VPS13B: variants seen among roughly 807,000 people sequenced by gnomAD.
VPS13B encodes the protein intermembrane lipid transfer protein VPS13B.
Under a neutral mutation model 426.4 loss-of-function variants are expected in VPS13B, and 285 were observed. The observed-to-expected ratio is 0.67, with a 90% CI of 0.61 to 0.74. The LOEUF is 0.74. Among genes scored for constraint, VPS13B ranks in the 30% least tolerant of loss-of-function variants. The pLI, the probability that VPS13B is intolerant of heterozygous loss-of-function variation, is 0.00. For missense variants in VPS13B, 4,537 were observed against 4,782.6 expected (o/e 0.95, Z 1.51); for synonymous variants, 1,676 against 1,676.4 (o/e 1.00, Z 0.01).
At chr8:99,112,185 C>A (rs1354241024) in intron 6 of VPS13B, among the ~76,000 whole-genome samples, 1 of 152,076 alleles carries the variant, frequency 6.6e-6, no homozygotes, top group Non-Finnish European at 1.5e-5. Flanking sequence ...ATCATTGTAT[C>A]TTGGAAAAAG....
At chr8:99,233,051 A>G (rs1816432139) in intron 17 of VPS13B, 7 of 1,251,944 alleles carry the variant, frequency 5.6e-6, no homozygotes, top group Non-Finnish European at 8.2e-6. Flanking sequence ...GGGAGGCCTC[A>G]CTTGCTGCGC....
rs975511145 is a variant in VPS13B, at chr8:99,434,267, A to G, written c.3210+2603A>G. On this transcript the variant is annotated intron_variant, in intron 22 of 61. Coordinates refer to ENST00000357162, the MANE Select transcript of VPS13B (RefSeq NM_152564.5). ...TACACTCCAGCCAGCCCTTAGTCCTACAGATGTGAGGAAATTGTCTCTGTG... is the reference window on the plus strand; with the variant it reads ...TACACTCCAGCCAGCCCTTAGTCCTGCAGATGTGAGGAAATTGTCTCTGTG... Among the ~76,000 whole-genome samples the G allele has an allele frequency of 5.3e-5, 8 of 152,308 alleles. No homozygotes were observed. In the East Asian group the frequency reaches 7.7e-4, roughly 15 times the overall value.
chr8:99,484,260 A>G (rs1820186190), intron 25 of VPS13B, among the ~76,000 whole-genome samples: 1 of 152,144 alleles, frequency 6.6e-6, no homozygotes, highest in Non-Finnish European at 1.5e-5. Context: ...TCAAATTAGA[A>G]AGTTGAGGAT....
At chr8:99,846,783 T>A (rs1478713246) in intron 54 of VPS13B, among the ~76,000 whole-genome samples, 1 of 152,242 alleles carries the variant, frequency 6.6e-6, no homozygotes, top group Non-Finnish European at 1.5e-5. Flanking sequence ...AGGTTTATTA[T>A]CTTAGAAAGT....
intron 39 of VPS13B, among the ~76,000 whole-genome samples, chr8:99,756,233 A>G (rs1180470838): frequency 1.3e-5 from 2 of 152,234 alleles, no homozygotes; most frequent in Non-Finnish European, 1.5e-5. Context: ...TAGAGGGGCT[A>G]AGCAACAAAT....
chr8:99,560,990 A>G (rs948130774), intron 31 of VPS13B, among the ~76,000 whole-genome samples: 1 of 152,160 alleles, frequency 6.6e-6, no homozygotes, highest in African/African-American at 2.4e-5. Flanking sequence ...CATTTAACTT[A>G]TGGTTTGTGT....
At chr8:99,595,735 G>C (rs1221590143) in intron 33 of VPS13B, among the ~76,000 whole-genome samples, 2 of 151,922 alleles carry the variant, frequency 1.3e-5, no homozygotes, top group Non-Finnish European at 2.9e-5. Context: ...TGCAGAATGG[G>C]AGAAAATATT....
At chr8:99,790,566 T>G (rs1812490275) in intron 43 of VPS13B, among the ~76,000 whole-genome samples, 1 of 151,774 alleles carries the variant, frequency 6.6e-6, no homozygotes, top group African/African-American at 2.4e-5. Context: ...AAATGAGGGG[T>G]GAATAATGAA....
In VPS13B at chr8:99,304,087, G is replaced by C. The variant is rs1820515230; in HGVS notation, c.2824+28833G>C. On this transcript the variant is annotated intron_variant, in intron 19 of 61. Coordinates refer to ENST00000357162, the MANE Select transcript of VPS13B (RefSeq NM_152564.5). ...ATGTGATTTTTGTGATCATGGGCTA[G>C]TTTGAATCTTTGGTAACTTTGTTTT... 2.0e-5 allele frequency among the ~76,000 whole-genome samples: 3 copies of C among 152,126 alleles called. No homozygotes were observed. In the South Asian group the frequency reaches 6.2e-4, roughly 32 times the overall value.
intron 61 of VPS13B, chr8:99,875,217 C>T (rs1465760617): frequency 1.4e-6 from 1 of 728,724 alleles, no homozygotes; most frequent in East Asian, 2.5e-5. Context: ...AAGTCTCATG[C>T]ACAACTTTCA....
chr8:99,776,642 C>A (rs1053348521), intron 40 of VPS13B, 133 bp from the exon 41 acceptor site: 6 of 880,636 alleles, frequency 6.8e-6, no homozygotes, highest in Non-Finnish European at 1.1e-5. Context: ...TAGGAAAATA[C>A]AGAAGATTTG....
chr8:99,174,425 G>A (rs11985377), intron 16 of VPS13B, among the ~76,000 whole-genome samples: 9,313 of 152,122 alleles, frequency 0.061, 370 homozygotes, highest in African/African-American at 0.11. Context: ...CTGCAACAGT[G>A]ATGGAAAAAG....
At chr8:99,700,874 A>G (rs1344394079) in intron 36 of VPS13B, among the ~76,000 whole-genome samples, 2 of 152,184 alleles carry the variant, frequency 1.3e-5, no homozygotes, top group Non-Finnish European at 2.9e-5. Flanking sequence ...AAATGTAGCA[A>G]AAGGGAACCA....
At chr8:99,510,327 A>G (rs985214653) in intron 28 of VPS13B, among the ~76,000 whole-genome samples, 1 of 152,216 alleles carries the variant, frequency 6.6e-6, no homozygotes, top group African/African-American at 2.4e-5. Flanking sequence ...TAGTGAAGGT[A>G]ATCATCTGGC....
At chr8:99,607,798 ATAT>A (rs1827665386) in intron 33 of VPS13B, among the ~76,000 whole-genome samples, 1 of 152,178 alleles carries the variant, frequency 6.6e-6, no homozygotes, top group African/African-American at 2.4e-5. Context: ...ACATTTAAAA[ATAT>A]TAATTCATTT....
chr8:99,513,643 CTG>C (rs1411403369), intron 29 of VPS13B, among the ~76,000 whole-genome samples: 2 of 152,196 alleles, frequency 1.3e-5, no homozygotes, highest in African/African-American at 2.4e-5. Context: ...ATTCCCTACA[CTG>C]TTTTAATTTA....
intron 16 of VPS13B, among the ~76,000 whole-genome samples, chr8:99,182,223 GAACTGGGCACAACAGA>G (rs1812981058): frequency 6.6e-6 from 1 of 152,114 alleles, no homozygotes; most frequent in South Asian, 2.1e-4. Context: ...TGAGTGAAAA[GAACTGGGCACAACAGA>G]AACATGGTAT....
chr8:99,613,205 G>C (rs1414930531), intron 33 of VPS13B, among the ~76,000 whole-genome samples: 2 of 152,070 alleles, frequency 1.3e-5, no homozygotes, highest in African/African-American at 4.8e-5. Flanking sequence ...TACCTTTTAG[G>C]TCTTTCTGGA....
At chr8:99,370,588 A>C (rs958367163) in intron 19 of VPS13B, among the ~76,000 whole-genome samples, 1 of 150,498 alleles carries the variant, frequency 6.6e-6, no homozygotes, top group African/African-American at 2.4e-5. Flanking sequence ...AGATGTCTAC[A>C]TATATTGAGT....
Sources: gnomAD v4.1 joint callset for allele counts (sites outside exome capture counted in the v4.1 genomes callset) on GRCh38, gnomAD v4.1.1 for gene constraint, MANE v1.5 for transcripts, NCBI Gene and HGNC (gene_info 2026-07-23, HGNC 2026-07-21) for gene names.